BLTP1: variants seen among roughly 807,000 people sequenced by gnomAD.
BLTP1 encodes the protein fragile site-associated protein.
At chr4:122,305,036 C>T in the BLTP1 span, 1 of 1,496,432 alleles carries the variant, frequency 6.7e-7, no homozygotes, top group East Asian at 2.3e-5. Flanking sequence ...TTTTGCACAT[C>T]AATTTTAACT....
At chr4:122,187,743 G>C in the BLTP1 span, 1 of 935,314 alleles carries the variant, frequency 1.1e-6, no homozygotes, top group Non-Finnish European at 1.5e-6. Flanking sequence ...GGTTTAAATT[G>C]ACCAGTGGAA....
chr4:122,339,264 C>T, the BLTP1 span: 2 of 1,613,672 alleles, frequency 1.2e-6, no homozygotes, highest in Non-Finnish European at 1.7e-6. Flanking sequence ...CATGTTAAAG[C>T]TGCCATCCCT....
At chr4:122,298,073 AAAGAC>A in the BLTP1 span, 5 of 613,366 alleles carry the variant, frequency 8.2e-6, no homozygotes, top group Non-Finnish European at 8.2e-6. Context: ...AAGAAAAAGA[AAAGAC>A]AAGAGTAGCC....
At chr4:122,194,513 G>T in the BLTP1 span, 3 of 882,964 alleles carry the variant, frequency 3.4e-6, no homozygotes, top group South Asian at 5.2e-5. Flanking sequence ...GAAAATGAGA[G>T]ATTTTACATT....
chr4:122,163,828 C>T, the BLTP1 span, among the ~76,000 whole-genome samples: 13 of 152,302 alleles, frequency 8.5e-5, no homozygotes, highest in Non-Finnish European at 1.6e-4. Flanking sequence ...TAGTGATCTG[C>T]TTCTGGAACA....
At chr4:122,254,675 T>C in the BLTP1 span, 1 of 1,214,856 alleles carries the variant, frequency 8.2e-7, no homozygotes, top group Non-Finnish European at 1.1e-6. Flanking sequence ...TCATAATTTA[T>C]CAGTGCTCAA....
the BLTP1 span, chr4:122,257,498 A>C: frequency 6.2e-7 from 1 of 1,613,938 alleles, no homozygotes; most frequent in Non-Finnish European, 8.5e-7. Flanking sequence ...CGATGCAGGT[A>C]GTTTTGTAAG....
At chr4:122,185,868 C>CT in the BLTP1 span, 1 of 238,770 alleles carries the variant, frequency 4.2e-6, no homozygotes, top group Non-Finnish European at 6.8e-6. Context: ...CAAGTTTTTT[C>CT]TTTTTTTGGC....
chr4:122,340,245 C>T, the BLTP1 span, among the ~76,000 whole-genome samples: 1 of 152,074 alleles, frequency 6.6e-6, no homozygotes. Flanking sequence ...TGACAACCCC[C>T]TCCACTCCCA....
chr4:122,231,406 C>T, the BLTP1 span, among the ~76,000 whole-genome samples: 8 of 151,548 alleles, frequency 5.3e-5, no homozygotes, highest in East Asian at 1.6e-3. Context: ...TTAGCTGTTT[C>T]GATTTCTTCA....
chr4:122,165,941 T>A, the BLTP1 span, among the ~76,000 whole-genome samples: 1 of 150,346 alleles, frequency 6.7e-6, no homozygotes, highest in Non-Finnish European at 1.5e-5. Context: ...TCTTGTAAAT[T>A]TGTTTGAGTT....
the BLTP1 span, chr4:122,318,108 A>G: frequency 6.4e-7 from 1 of 1,573,704 alleles, no homozygotes; most frequent in Non-Finnish European, 8.6e-7. Context: ...TTACTTTGTT[A>G]TTTATTTACA....
chr4:122,153,027 G>A, the BLTP1 span: 18 of 985,302 alleles, frequency 1.8e-5, no homozygotes, highest in Non-Finnish European at 2.2e-5. Context: ...CTCTGGGATT[G>A]ATGTGTTTTG....
At chr4:122,170,835 C>T in the BLTP1 span, 540 of 694,686 alleles carry the variant, frequency 7.8e-4, 1 homozygote, top group Admixed American at 1.5e-3. Flanking sequence ...GAAGTTGGAA[C>T]ACTAACACTA....
At chr4:122,251,618 C>T in the BLTP1 span, 3 of 984,664 alleles carry the variant, frequency 3.0e-6, no homozygotes, top group Non-Finnish European at 2.4e-6. Context: ...TTTCCTTCTC[C>T]TTCACCTACT....
the BLTP1 span, among the ~76,000 whole-genome samples, chr4:122,262,376 T>C: frequency 1.3e-5 from 2 of 152,194 alleles, no homozygotes; most frequent in African/African-American, 4.8e-5. Flanking sequence ...ATATACTATT[T>C]ACTGCTCCTT....
At chr4:122,311,753 A>G in the BLTP1 span, among the ~76,000 whole-genome samples, 1 of 152,188 alleles carries the variant, frequency 6.6e-6, no homozygotes, top group African/African-American at 2.4e-5. Context: ...TTCAGACAAA[A>G]TAAACCATCA....
the BLTP1 span, chr4:122,346,408 TAA>T: frequency 7.5e-5 from 71 of 952,704 alleles, no homozygotes; most frequent in African/African-American, 1.1e-3. Flanking sequence ...GATAAAGTGA[TAA>T]TAGAATTCCA....
At chr4:122,291,636 G>A in the BLTP1 span, 47 of 659,450 alleles carry the variant, frequency 7.1e-5, 1 homozygote, top group Non-Finnish European at 8.4e-5. Flanking sequence ...GTTTCAGAAA[G>A]ATGTAAGTAA....
Sources: gnomAD v4.1 joint callset for allele counts (sites outside exome capture counted in the v4.1 genomes callset) on GRCh38, gnomAD v4.1.1 for gene constraint, MANE v1.5 for transcripts, NCBI Gene and HGNC (gene_info 2026-07-23, HGNC 2026-07-21) for gene names.